Variants in FA2H observed in about 807,000 individuals in gnomAD.
The protein encoded by FA2H is fatty acid alpha-hydroxylase.
Under a neutral mutation model 44.9 loss-of-function variants are expected in FA2H, and 22 were observed. That is an observed-to-expected ratio of 0.49 (90% CI 0.35 to 0.70). The LOEUF is 0.70. FA2H is among the 30% of genes least tolerant of loss of function. The pLI, the probability that FA2H is intolerant of heterozygous loss-of-function variation, is 0.01. For synonymous variants in FA2H, 243 were observed against 213.2 expected, an observed-to-expected ratio of 1.14 and a Z score of -1.22; for missense variants, 501 against 504.9, an observed-to-expected ratio of 0.99 and a Z score of 0.07.
intron 2 of FA2H, among the ~76,000 whole-genome samples, chr16:74,728,806 CAG>C (rs1962012293): frequency 2.7e-5 from 3 of 109,600 alleles, no homozygotes; most frequent in African/African-American, 3.7e-5. Flanking sequence ...TTTTTTGAGA[CAG>C]AGTCTCGTTC....
Position 74,747,999 on chromosome 16 carries a change from C to T in FA2H, c.271-7884G>A, listed in dbSNP as rs192786393. Among the ~76,000 whole-genome samples the T allele has an allele frequency of 2.4e-3, 372 of 152,264 alleles. 6 individuals carry two copies. Among genetic ancestry groups the T allele is most frequent in the Non-Finnish European group, 6.6e-4 (45 of 68,024 alleles). The stretch of plus-strand genomic sequence containing the variant: ...TGGAGCCAGGAGTCTGCCCCTCATC[C>T]TATGCTGAGGACGCGGCAGAAACCA... On this transcript the variant is annotated intron_variant, in intron 1 of 6. Coordinates refer to ENST00000219368, the MANE Select transcript of FA2H (RefSeq NM_024306.5).
At chr16:74,746,143 A>G (rs948190131) in intron 1 of FA2H, among the ~76,000 whole-genome samples, 3 of 152,072 alleles carry the variant, frequency 2.0e-5, no homozygotes, top group African/African-American at 7.2e-5. Context: ...GGAATGAAGC[A>G]GACTACAGTG....
intron 1 of FA2H, among the ~76,000 whole-genome samples, chr16:74,747,882 C>G (rs1156818890): frequency 2.0e-5 from 3 of 152,142 alleles, no homozygotes; most frequent in Admixed American, 2.0e-4. Flanking sequence ...CCTGAATCAG[C>G]TAATCAGTTT....
intron 1 of FA2H, among the ~76,000 whole-genome samples, chr16:74,745,791 G>C (rs1962409545): frequency 7.0e-6 from 1 of 143,518 alleles, no homozygotes; most frequent in African/African-American, 2.6e-5. Context: ...TCGAGTCACT[G>C]TCAATGGATT....
At chr16:74,736,048 G>C (rs185903045) in intron 2 of FA2H, among the ~76,000 whole-genome samples, 104 of 142,936 alleles carry the variant, frequency 7.3e-4, no homozygotes, top group Admixed American at 1.5e-3. Context: ...GGCATCTCTT[G>C]CCTCCCAGCC....
intron 1 of FA2H, among the ~76,000 whole-genome samples, chr16:74,752,259 A>G (rs920920447): frequency 6.6e-6 from 1 of 152,100 alleles, no homozygotes; most frequent in African/African-American, 2.4e-5. Flanking sequence ...TGGCAGCCAG[A>G]GCTAACTGAT....
chr16:74,736,661 C>A (rs1447081327), intron 2 of FA2H, among the ~76,000 whole-genome samples: 1 of 152,230 alleles, frequency 6.6e-6, no homozygotes, highest in African/African-American at 2.4e-5. Context: ...CATTGGCCAG[C>A]CCCAGCAGCT....
rs928089165 is a variant in FA2H, at chr16:74,774,791, G to A, written c.-36C>T. On this transcript the variant is annotated 5_prime_UTR_variant, in exon 1 of 7. It adds an upstream start codon to the 5' untranslated region. Coordinates refer to ENST00000219368, the MANE Select transcript of FA2H (RefSeq NM_024306.5). Reference sequence around the variant, plus strand: ...CGCAGCTCCCAGCGCGCAGCCCGGCGTCTGCTCTGCTGCCACCCTGAGCGC... The same window carrying A: ...CGCAGCTCCCAGCGCGCAGCCCGGCATCTGCTCTGCTGCCACCCTGAGCGC... 7 of 1,274,832 alleles carry A rather than the reference G, an allele frequency of 5.5e-6. No individual in the cohort carries two copies. The South Asian group carries it at 1.4e-4, about 26-fold the overall frequency. 79.0% of individuals were successfully genotyped at this position (1,274,832 alleles called of 1,614,324 possible).
intron 1 of FA2H, among the ~76,000 whole-genome samples, chr16:74,758,291 T>A (rs1962648645): frequency 6.6e-6 from 1 of 151,732 alleles, no homozygotes; most frequent in Non-Finnish European, 1.5e-5. Flanking sequence ...CGGCTAATTT[T>A]TTGTATTTTT....
In FA2H at chr16:74,765,427, G is replaced by A. The variant is rs192987588; in HGVS notation, c.270+9059C>T. Among the ~76,000 whole-genome samples, 8 of 152,278 alleles carry A rather than the reference G, an allele frequency of 5.3e-5. 1 individual carries two copies. The highest frequency in any genetic ancestry group is 1.9e-4 in the African/African-American group (8 of 41,546). ...CTGCCTTGGCCTCCCAAAGTGCTGGGATTACAGGCATGAGCCACCGTGCCC... is the reference window on the plus strand; with the variant it reads ...CTGCCTTGGCCTCCCAAAGTGCTGGAATTACAGGCATGAGCCACCGTGCCC... On this transcript the variant is annotated intron_variant, in intron 1 of 6. Coordinates refer to ENST00000219368, the MANE Select transcript of FA2H (RefSeq NM_024306.5).
rs186605327 is a variant in FA2H at position 74,728,087 on chromosome 16, A to G, written c.364-701T>C. On this transcript the variant is annotated intron_variant, in intron 2 of 6. Transcript: ENST00000219368. ...TTGCCATTTACTGTGTGATTTCTGGAAAATTACTTAACCTCTCTGAGCCTC... is the reference window on the plus strand; with the variant it reads ...TTGCCATTTACTGTGTGATTTCTGGGAAATTACTTAACCTCTCTGAGCCTC... 1.2e-4 allele frequency among the ~76,000 whole-genome samples: 18 copies of G among 152,238 alleles called. No homozygotes were observed. The East Asian group carries it at 3.5e-3, about 29-fold the overall frequency.
intron 1 of FA2H, among the ~76,000 whole-genome samples, chr16:74,758,691 T>C (rs934190764): frequency 1.3e-5 from 2 of 152,122 alleles, no homozygotes; most frequent in Admixed American, 6.5e-5. Flanking sequence ...TTTGGGAGGC[T>C]GAGGTGTGCA....
rs536665383 is a variant in FA2H at position 74,734,409 on chromosome 16, T to G, written c.363+5614A>C. ...TCATTGGGGTGGAGGGATTTTTTGG[T>G]GATTCAAAGACCCGACCAACGGGCC... On this transcript the variant is annotated intron_variant, in intron 2 of 6. Coordinates refer to ENST00000219368, the MANE Select transcript of FA2H (RefSeq NM_024306.5). Among the ~76,000 whole-genome samples, 8 of 152,264 alleles carry G rather than the reference T, an allele frequency of 5.3e-5. No individual in the cohort carries two copies. In the East Asian group the frequency reaches 1.2e-3, roughly 22 times the overall value.
At chr16:74,731,156 AT>A (rs547324621) in intron 2 of FA2H, among the ~76,000 whole-genome samples, 401 of 136,074 alleles carry the variant, frequency 2.9e-3, no homozygotes, top group African/African-American at 6.6e-3. Context: ...AATCTCTGCC[AT>A]TTTTTTTTTT....
intron 1 of FA2H, among the ~76,000 whole-genome samples, chr16:74,767,704 A>G (rs1475852483): frequency 3.9e-5 from 6 of 152,218 alleles, no homozygotes; most frequent in African/African-American, 1.4e-4. Flanking sequence ...AATCTCCCCT[A>G]GAGCATCCAG....
At chr16:74,767,520 G>A (rs1201096733) in intron 1 of FA2H, among the ~76,000 whole-genome samples, 1 of 152,196 alleles carries the variant, frequency 6.6e-6, no homozygotes, top group African/African-American at 2.4e-5. Context: ...GGATCATCTA[G>A]GTGGGTCCAG....
intron 4 of FA2H, among the ~76,000 whole-genome samples, chr16:74,720,180 C>CTTTTTTTTTTTTTTTTTTTTTTTTTTT (rs56341013): frequency 6.4e-5 from 3 of 47,242 alleles, no homozygotes; most frequent in Non-Finnish European, 1.1e-4. Context: ...CATCCTCATC[C>CTTTTTTTTTTTTTTTTTTTTTTTTTTT]TTTTTTTTTT....
chr16:74,738,403 C>T (rs1234336554), intron 2 of FA2H, among the ~76,000 whole-genome samples: 10 of 152,094 alleles, frequency 6.6e-5, no homozygotes, highest in African/African-American at 1.9e-4. Flanking sequence ...GTGATGGGGC[C>T]GGGGTCAGCC....
At chr16:74,761,305 T>A (rs1261590645) in intron 1 of FA2H, among the ~76,000 whole-genome samples, 8 of 151,852 alleles carry the variant, frequency 5.3e-5, no homozygotes. Context: ...ATACAAAAAT[T>A]AGCCGGGCAT....
Sources: gnomAD v4.1 joint callset for allele counts (sites outside exome capture counted in the v4.1 genomes callset) on GRCh38, gnomAD v4.1.1 for gene constraint, MANE v1.5 for transcripts, NCBI Gene and HGNC (gene_info 2026-07-23, HGNC 2026-07-21) for gene names.